Variants in ZNF219 observed in about 807,000 individuals in gnomAD.
The protein encoded by ZNF219 is zinc finger protein 219.
ZNF219 carries 17 observed loss-of-function variants against 54.4 expected under a neutral mutation model. The observed-to-expected ratio is 0.31, with a 90% CI of 0.21 to 0.47. ZNF219 has a LOEUF of 0.47. Among genes scored for constraint, ZNF219 ranks in the 20% least tolerant of loss-of-function variants. The pLI is 1.00. For missense variants in ZNF219, 1,014 were observed against 1,062.3 expected, an observed-to-expected ratio of 0.95 and a Z score of 0.63; for synonymous variants, 518 against 476.4, an observed-to-expected ratio of 1.09 and a Z score of -1.14.
rs1889034049 is a variant in ZNF219 at position 21,092,832 on chromosome 14, G to C, written c.465C>G (p.Pro155=). 1 of 1,571,376 alleles carries C rather than the reference G, an allele frequency of 6.4e-7. No homozygotes were observed. The highest frequency in any genetic ancestry group is 8.6e-7 in the Non-Finnish European group (1 of 1,159,252). The change falls in exon 3 of 5, where the codon CCC becomes CCG. Residue 155 remains proline (P), a synonymous_variant. Coordinates refer to ENST00000360947, the MANE Select transcript of ZNF219 (RefSeq NM_016423.3). ...GGAAGGCGGACGATGAAGGAGCCTG[G>C]GGCCGCGCCAGACCCTCAGTGGCAG... is the stretch of plus-strand genomic sequence containing the variant. ...ATPATEGLAR[P]QAPSSSAFRC...
At chr14:21,104,309 CGGCTGCGGTCGGGTTGCTGAAGTTCT>C (rs1889829123) in intron 1 of ZNF219, 1 of 152,370 alleles carries the variant, frequency 6.6e-6, no homozygotes, top group Non-Finnish European at 1.5e-5. Context: ...CCTTTGATCT[CGGCTGCGGTCGGGTTGCTGAAGTTCT>C]GGCTGCGTTC....
In ZNF219 at chr14:21,092,864, C is replaced by A; in HGVS notation, c.433G>T (p.Ala145Ser). 6.4e-7 allele frequency: 1 copy of A among 1,551,998 alleles called. No individual in the cohort carries two copies. The highest frequency in any genetic ancestry group is 1.2e-5 in the South Asian group (1 of 81,110). ...GRARSSGGMQATPATEGLARP... is the reference protein window; with the variant it reads ...GRARSSGGMQSTPATEGLARP... ...GCCAGACCCTCAGTGGCAGGGGTGG[C>A]CTGCATGCCCCCTGAGCTTCGGGCT... is the stretch of plus-strand genomic sequence containing the variant. Residue 145 changes from alanine to serine, a missense_variant, in exon 3 of 5, where the codon GCC becomes TCC. Ala to Ser is a moderately conservative substitution (Grantham distance 99). This residue lies in a region of ZNF219 where 395 missense variants were observed against 415.1 expected (regional missense o/e 0.95). Transcript: ENST00000360947.
rs1193143710 is a variant in ZNF219, at chr14:21,092,971, G to A, written c.326C>T (p.Pro109Leu). Residue 109 changes from proline (P) to leucine (L), a missense_variant, in exon 3 of 5, where the codon CCC (proline) becomes CTC (leucine). Physicochemically the swap from Pro to Leu is moderately conservative, Grantham distance 98. This residue lies in a region of ZNF219 where 395 missense variants were observed against 415.1 expected (regional missense o/e 0.95). Coordinates refer to ENST00000360947, the MANE Select transcript of ZNF219 (RefSeq NM_016423.3). ...LLRSHLRTHQPERPRSPAARL... is the reference protein window; with the variant it reads ...LLRSHLRTHQLERPRSPAARL... The stretch of plus-strand genomic sequence containing the variant: ...TGCAGCAGGACTACGTGGGCGCTCG[G>A]GCTGGTGTGTGCGCAGGTGCGAGCG... 3 of 1,593,568 alleles carry A rather than the reference G, an allele frequency of 1.9e-6. No individual in the cohort carries two copies. Among genetic ancestry groups the A allele is most frequent in the East Asian group, 2.2e-5 (1 of 44,564 alleles).
upstream of ZNF219, among the ~76,000 whole-genome samples, chr14:21,100,734 G>T (rs1480843672): frequency 3.3e-5 from 5 of 152,266 alleles, no homozygotes; most frequent in South Asian, 1.0e-3. Context: ...CTGGTCTGGG[G>T]GCAAAGCTGC....
At chr14:21,100,612 T>TC (rs1029789374), upstream of ZNF219, among the ~76,000 whole-genome samples, 5 of 151,576 alleles carry the variant, frequency 3.3e-5, no homozygotes, top group South Asian at 2.1e-4. Flanking sequence ...ATAAACAGGG[T>TC]CCCCCCCATC....
upstream of ZNF219, chr14:21,101,864 G>T (rs1889654881): frequency 2.6e-6 from 4 of 1,551,234 alleles, no homozygotes; most frequent in Non-Finnish European, 3.5e-6. Flanking sequence ...CTTACCCCCA[G>T]GTGAGCCAGC....
intron 4 of ZNF219, 32 bp downstream of exon 4, chr14:21,091,379 C>T: frequency 2.5e-6 from 4 of 1,579,714 alleles, no homozygotes; most frequent in Non-Finnish European, 3.5e-6. Flanking sequence ...CGCCCCCAGT[C>T]CCCTCTCCAC....
At chr14:21,091,821 G>A (rs758789111) in intron 3 of ZNF219, 44 bp downstream of exon 3, 6 of 1,489,728 alleles carry the variant, frequency 4.0e-6, no homozygotes. Context: ...GTAAGAGTCA[G>A]AGGAGGACGC....
At chr14:21,094,339 G>A (rs933829485) in intron 1 of ZNF219, 3 of 455,220 alleles carry the variant, frequency 6.6e-6, no homozygotes, top group African/African-American at 6.0e-5. Flanking sequence ...GGGGAGGAGT[G>A]GAAGTTAAGG....
chr14:21,102,551 G>A (rs1490232433), upstream of ZNF219: 2 of 1,551,670 alleles, frequency 1.3e-6, no homozygotes, highest in South Asian at 1.2e-5. Flanking sequence ...GGAGGATAAG[G>A]AGGCAAGAGG....
chr14:21,091,588 TCCAGG>T (rs1364951078), intron 3 of ZNF219, 46 bp from the exon 4 acceptor site: 5 of 1,566,234 alleles, frequency 3.2e-6, no homozygotes, highest in Non-Finnish European at 4.4e-6. Flanking sequence ...CCACACCCTG[TCCAGG>T]TGCCGCGCAC....
chr14:21,092,039 G>A lies in ZNF219; in HGVS notation c.1258C>T (p.Arg420Trp), dbSNP rs969092088. Residue 420 changes from arginine to tryptophan, a missense_variant, in exon 3 of 5, where the codon CGG becomes TGG. By Grantham distance (101) the Arg-to-Trp change is moderately radical. Coordinates refer to ENST00000360947, the MANE Select transcript of ZNF219 (RefSeq NM_016423.3). ...LSSALPARAR[R>W]HRAEEPEEEE... ...TCCTCAGGCTCCTCCGCACGGTGCC[G>A]GCGAGCCCGGGCCGGGAGAGCAGAG... 10 of 1,547,192 alleles carry A rather than the reference G, an allele frequency of 6.5e-6. No individual in the cohort carries two copies. Among genetic ancestry groups the A allele is most frequent in the East Asian group, 2.5e-5 (1 of 40,622 alleles).
Position 21,090,520 on chromosome 14 carries a change from C to G in ZNF219, c.*16G>C, listed in dbSNP as rs200238072. On this transcript the variant is annotated 3_prime_UTR_variant, in exon 5 of 5. Coordinates refer to ENST00000360947, the MANE Select transcript of ZNF219 (RefSeq NM_016423.3). The surrounding 1 kb of genome is among the most constrained non-coding windows in gnomAD (Gnocchi z 4.4). Reference sequence around the variant, plus strand: ...GGCGGGGTAAGCTCACTAAGCTAATCGCCCCTGAGGGCCCACTACCGTTCT... The same window carrying G: ...GGCGGGGTAAGCTCACTAAGCTAATGGCCCCTGAGGGCCCACTACCGTTCT... 1 of 1,572,170 alleles carries G rather than the reference C, an allele frequency of 6.4e-7. No homozygotes were observed. The highest frequency in any genetic ancestry group is 2.3e-5 in the East Asian group (1 of 44,244).
upstream of ZNF219, chr14:21,102,779 G>A: frequency 6.5e-7 from 1 of 1,548,922 alleles, no homozygotes; most frequent in Non-Finnish European, 8.7e-7. Context: ...AGCTGCAGGA[G>A]GTATGGGGGC....
At chr14:21,093,382 G>A (rs1431111139) in intron 2 of ZNF219, 92 bp from the exon 3 acceptor site, 2 of 1,498,110 alleles carry the variant, frequency 1.3e-6, no homozygotes, top group Non-Finnish European at 1.8e-6. Flanking sequence ...GACAACACGA[G>A]GGAAGGTGGG....
At chr14:21,100,346 A>C (rs947069593), upstream of ZNF219, among the ~76,000 whole-genome samples, 2 of 150,994 alleles carry the variant, frequency 1.3e-5, no homozygotes, top group African/African-American at 4.8e-5. Context: ...AGCCTGGGTG[A>C]CAGTGAGCCC....
At chr14:21,103,259 G>C, upstream of ZNF219, 1 of 1,551,062 alleles carries the variant, frequency 6.4e-7, no homozygotes, top group Admixed American at 2.0e-5. Flanking sequence ...TCCACCCTGA[G>C]AGAATGCTCT....
intron 2 of ZNF219, 126 bp from the exon 3 acceptor site, chr14:21,093,416 G>T: frequency 6.9e-7 from 1 of 1,459,188 alleles, no homozygotes; most frequent in Non-Finnish European, 9.3e-7. Context: ...TAGGAACACA[G>T]GGTGCTACTC....
Position 21,092,604 on chromosome 14 carries a change from CT to C in ZNF219, c.692del (p.Gln231ArgfsTer91). 2 of 1,548,942 alleles carry C rather than the reference CT, an allele frequency of 1.3e-6. No individual in the cohort carries two copies. The highest frequency in any genetic ancestry group is 1.7e-6 in the Non-Finnish European group (2 of 1,148,422). On this transcript the variant is annotated frameshift_variant, in exon 3 of 5. Transcript: ENST00000360947. LOFTEE classifies it high-confidence loss of function. ...ATSAAPPPQP[Q>X]PQPPPQPEPR... ...GTTCGGGCTGGGGTGGAGGCTGAGG[CT>C]GAGGCTGAGGCGGAGGCGCAGCGGA...
Sources: allele counts gnomAD v4.1 joint callset (sites outside exome capture counted in the v4.1 genomes callset), GRCh38; gene constraint gnomAD v4.1.1; regional missense constraint gnomAD v4.1.1; non-coding constraint Gnocchi (gnomAD v3.1); transcripts MANE v1.5; gene names NCBI Gene and HGNC (gene_info 2026-07-23, HGNC 2026-07-21).